The following RAPGEF5 variants were observed in gnomAD, a reference collection of about 807,000 sequenced individuals.
RAPGEF5 encodes Rap guanine nucleotide exchange factor 5, also known as M-Ras-regulated GEF.
Under a neutral mutation model 125.2 loss-of-function variants are expected in RAPGEF5, and 65 were observed. The ratio of observed to expected loss-of-function variants is 0.52; its 90% CI spans 0.43 to 0.64. RAPGEF5 has a LOEUF of 0.64. Ranked by LOEUF, RAPGEF5 falls within the 30% of genes least tolerant of loss-of-function variation. RAPGEF5 has a pLI of 0.00. For synonymous variants in RAPGEF5, 391 were observed against 385.9 expected (o/e 1.01, Z -0.16); for missense variants, 958 against 1,048.1 (o/e 0.91, Z 1.19).
intron 8 of RAPGEF5, among the ~76,000 whole-genome samples, chr7:22,228,677 T>G (rs1239854460): frequency 4.9e-5 from 6 of 121,698 alleles, no homozygotes; most frequent in African/African-American, 1.7e-4. Context: ...CCAGCTAATT[T>G]TTTTTTTTTT....
intron 9 of RAPGEF5, among the ~76,000 whole-genome samples, chr7:22,198,832 A>G (rs1785210566): frequency 6.6e-6 from 1 of 152,190 alleles, no homozygotes; most frequent in African/African-American, 2.4e-5. Flanking sequence ...GAAAATTCCC[A>G]TTTTACAAAT....
chr7:22,340,620 T>A (rs1210707664), intron 1 of RAPGEF5, among the ~76,000 whole-genome samples: 1 of 152,156 alleles, frequency 6.6e-6, no homozygotes, highest in Non-Finnish European at 1.5e-5. Flanking sequence ...TATGTCTGGG[T>A]CCCCCAGCCC....
intron 3 of RAPGEF5, 94 bp from the exon 4 acceptor site, chr7:22,310,184 C>A: frequency 7.9e-7 from 1 of 1,273,306 alleles, no homozygotes. Flanking sequence ...CTTTCATGTG[C>A]TTGCTTTTTT....
At chr7:22,160,418 A>T in intron 14 of RAPGEF5, 100 bp downstream of exon 14, 1 of 1,148,370 alleles carries the variant, frequency 8.7e-7, no homozygotes, top group South Asian at 1.6e-5. Context: ...TCTGAGTCAA[A>T]ATGTTCAAAA....
Position 22,231,403 on chromosome 7 carries a change from C to T in RAPGEF5, c.797-484G>A, listed in dbSNP as rs111249658. On this transcript the variant is annotated intron_variant, in intron 7 of 25. Coordinates refer to ENST00000665637, the MANE Select transcript of RAPGEF5 (RefSeq NM_012294.5). ...TGTGGAGTCTTGAATCCGTATATCC[C>T]TTCCCAGCATCTCCCTATCCAAGCC... 4.9e-3 allele frequency among the ~76,000 whole-genome samples: 743 copies of T among 152,216 alleles called. 10 individuals are homozygous for T. The highest frequency in any genetic ancestry group is 0.027 in the South Asian group (129 of 4,816).
At chr7:22,330,750 T>C (rs1372545734) in intron 1 of RAPGEF5, among the ~76,000 whole-genome samples, 1 of 152,326 alleles carries the variant, frequency 6.6e-6, no homozygotes, top group Admixed American at 6.5e-5. Context: ...CCAGGTTCTA[T>C]ATCAGCTTCA....
intron 6 of RAPGEF5, among the ~76,000 whole-genome samples, chr7:22,268,377 G>T (rs1782334331): frequency 6.6e-6 from 1 of 152,198 alleles, no homozygotes; most frequent in Non-Finnish European, 1.5e-5. Flanking sequence ...GAGGCAGACA[G>T]AAGTGATGAA....
Position 22,122,299 on chromosome 7 carries a change from C to A in RAPGEF5, c.*107G>T. 1.1e-6 allele frequency: 1 copy of A among 896,544 alleles called. No individual in the cohort carries two copies. Among genetic ancestry groups the A allele is most frequent in the Non-Finnish European group, 1.7e-6 (1 of 575,448 alleles). 55.5% of individuals were successfully genotyped at this position (896,544 alleles called of 1,614,324 possible). ...TTTCCTGTGAATGTCTTGGGTTATACTGATAAAACTCAGCAACTTCTTTTC... is the reference window on the plus strand; with the variant it reads ...TTTCCTGTGAATGTCTTGGGTTATAATGATAAAACTCAGCAACTTCTTTTC... On this transcript the variant is annotated 3_prime_UTR_variant, in exon 26 of 26. Coordinates refer to ENST00000665637, the MANE Select transcript of RAPGEF5 (RefSeq NM_012294.5).
chr7:22,133,342 G>C (rs918255203), intron 23 of RAPGEF5, among the ~76,000 whole-genome samples: 3 of 152,168 alleles, frequency 2.0e-5, no homozygotes, highest in African/African-American at 4.8e-5. Context: ...TGAATGGCAG[G>C]TGCATGACAC....
At chr7:22,215,792 G>A (rs951732497) in intron 9 of RAPGEF5, among the ~76,000 whole-genome samples, 1 of 152,158 alleles carries the variant, frequency 6.6e-6, no homozygotes, top group Non-Finnish European at 1.5e-5. Flanking sequence ...TCTGTTTAAG[G>A]TATTTTCAAA....
intron 9 of RAPGEF5, among the ~76,000 whole-genome samples, chr7:22,201,640 G>T (rs576092364): frequency 1.3e-5 from 2 of 152,308 alleles, no homozygotes; most frequent in South Asian, 4.1e-4. Context: ...AGTCTTTCTT[G>T]TCTAGTGCCT....
At chr7:22,292,541 G>T (rs372010431) in intron 5 of RAPGEF5, among the ~76,000 whole-genome samples, 1 of 152,106 alleles carries the variant, frequency 6.6e-6, no homozygotes, top group Non-Finnish European at 1.5e-5. Flanking sequence ...TTTTAATAAG[G>T]TTACCTGGAT....
rs773113888 is a variant in RAPGEF5, at chr7:22,150,417, G to T, written c.1874C>A (p.Ala625Glu). The T allele has an allele frequency of 9.3e-6, 15 of 1,606,628 alleles. No individual in the cohort carries two copies. The highest frequency in any genetic ancestry group is 7.6e-6 in the Non-Finnish European group (9 of 1,177,050). Residue 625 changes from alanine to glutamate, a missense_variant, in exon 18 of 26, where the codon GCG becomes GAG. By Grantham distance (107) the Ala-to-Glu change is moderately radical. Coordinates refer to ENST00000665637, the MANE Select transcript of RAPGEF5 (RefSeq NM_012294.5). Reference protein sequence around the residue: ...GRIYVYRKDLADTLNPFAENE... With the variant: ...GRIYVYRKDLEDTLNPFAENE... ...GCTGAAGGTCCTTACCAAAGTGTCCGCCAGGTCTTTCCGGTAGACATATAT... is the reference window on the plus strand; with the variant it reads ...GCTGAAGGTCCTTACCAAAGTGTCCTCCAGGTCTTTCCGGTAGACATATAT...
intron 25 of RAPGEF5, chr7:22,125,366 C>T (rs1782705214): frequency 2.3e-6 from 1 of 430,802 alleles, no homozygotes; most frequent in South Asian, 2.7e-5. Flanking sequence ...AGTCACTCTT[C>T]ACAGCATAAA....
chr7:22,176,571 C>A (rs981760418), intron 11 of RAPGEF5, among the ~76,000 whole-genome samples: 1 of 152,178 alleles, frequency 6.6e-6, no homozygotes, highest in Non-Finnish European at 1.5e-5. Context: ...GTCGCCCAGG[C>A]TGGATGGAGT....
chr7:22,144,009 G>C (rs1299571306), intron 20 of RAPGEF5, among the ~76,000 whole-genome samples: 1 of 152,210 alleles, frequency 6.6e-6, no homozygotes, highest in Non-Finnish European at 1.5e-5. Context: ...AACTACTTTG[G>C]AAGACAAAGG....
chr7:22,222,600 G>A (rs1474699797), intron 8 of RAPGEF5, among the ~76,000 whole-genome samples: 1 of 152,166 alleles, frequency 6.6e-6, no homozygotes, highest in East Asian at 1.9e-4. Context: ...GGAGTAGACT[G>A]GTGGCACTGG....
rs966334514 is a variant in RAPGEF5, at chr7:22,257,847, C to T, written c.796+9117G>A. 1.2e-4 allele frequency among the ~76,000 whole-genome samples: 18 copies of T among 152,220 alleles called. No homozygotes were observed. In the South Asian group the frequency reaches 1.2e-3, roughly 11 times the overall value. ...AATACAATCTTCTTCATTTATATTG[C>T]TCTTCTAATCAGAAAACATTATATT... On this transcript the variant is annotated intron_variant, in intron 7 of 25. Transcript: ENST00000665637.
intron 25 of RAPGEF5, 75 bp from the exon 26 acceptor site, chr7:22,122,596 C>T (rs541797094): frequency 1.9e-6 from 2 of 1,079,730 alleles, no homozygotes; most frequent in Non-Finnish European, 2.8e-6. Flanking sequence ...CAAAACCCCA[C>T]ACTAAGGCTG....
Sources: allele counts gnomAD v4.1 joint callset (sites outside exome capture counted in the v4.1 genomes callset), GRCh38; gene constraint gnomAD v4.1.1; transcripts MANE v1.5; gene names NCBI Gene and HGNC (gene_info 2026-07-23, HGNC 2026-07-21).